Variants in LAMA2 observed in about 807,000 individuals in gnomAD.
The protein encoded by LAMA2 is laminin subunit alpha-2.
In LAMA2, 269 loss-of-function variants were observed where a neutral mutation model predicts 364.8. The observed-to-expected ratio is 0.74, with a 90% confidence interval of 0.67 to 0.82. The LOEUF is 0.82. Ranked by LOEUF, LAMA2 falls within the 40% of genes least tolerant of loss-of-function variation. The pLI is 0.00. For missense variants in LAMA2, 3,807 were observed against 3,873.2 expected (o/e 0.98, Z 0.45); for synonymous variants, 1,379 against 1,370.6 (o/e 1.01, Z -0.14).
intron 3 of LAMA2, among the ~76,000 whole-genome samples, chr6:129,085,630 G>A (rs7774997): frequency 0.95 from 144,534 of 152,270 alleles, 68,658 homozygotes; most frequent in East Asian, 0.97. Context: ...ACAGCAAAAC[G>A]TATTTTTCTG....
intron 9 of LAMA2, among the ~76,000 whole-genome samples, chr6:129,170,413 G>A (rs377062931): frequency 4.1e-4 from 57 of 137,504 alleles, no homozygotes; most frequent in Non-Finnish European, 6.3e-4. Flanking sequence ...CCTTCATTTC[G>A]TTATGTACCC....
intron 1 of LAMA2, among the ~76,000 whole-genome samples, chr6:128,909,732 C>T (rs1247853183): frequency 3.2e-4 from 49 of 151,712 alleles, no homozygotes; most frequent in Middle Eastern, 3.4e-3. Flanking sequence ...TTCCTAGTCT[C>T]GATGGTCTTT....
In LAMA2 at chr6:129,440,920, G is replaced by A. The variant is rs1159904031; in HGVS notation, c.6190G>A (p.Gly2064Ser). The A allele has an allele frequency of 1.9e-6, 3 of 1,613,808 alleles. No individual in the cohort carries two copies. Among genetic ancestry groups the A allele is most frequent in the Middle Eastern group, 1.6e-4 (1 of 6,080 alleles). ...QITELHQNLDGLKKNYNKLAD... is the reference protein window; with the variant it reads ...QITELHQNLDSLKKNYNKLAD... The stretch of plus-strand genomic sequence containing the variant: ...TACAGAGCTCCACCAGAACCTCGAT[G>A]GCCTGAAGAAGAATTACAATAAACT... The change falls in exon 43 of 65, where the codon GGC becomes AGC. Residue 2064 changes from glycine (G) to serine (S), a missense_variant. Around this residue, in one of 3 missense-constraint regions of LAMA2, gnomAD observed 3,333 missense variants for 3,345.7 expected, o/e 1.00. Transcript: ENST00000421865.
chr6:128,885,239 A>T (rs1776079538), intron 1 of LAMA2, among the ~76,000 whole-genome samples: 1 of 152,202 alleles, frequency 6.6e-6, no homozygotes, highest in South Asian at 2.1e-4. Flanking sequence ...TAAATGACTT[A>T]AACCTGTTAA....
chr6:129,171,335 G>T (rs1200817985), intron 9 of LAMA2, among the ~76,000 whole-genome samples: 1 of 152,108 alleles, frequency 6.6e-6, no homozygotes, highest in Non-Finnish European at 1.5e-5. Context: ...TCCATGTTTA[G>T]TGCTTCCTTC....
intron 1 of LAMA2, among the ~76,000 whole-genome samples, chr6:128,933,520 C>A (rs1779624530): frequency 1.3e-5 from 2 of 152,084 alleles, no homozygotes; most frequent in Admixed American, 1.3e-4. Flanking sequence ...AGTGGCTATG[C>A]CTATTTACAT....
chr6:129,229,006 G>A (rs1237131558), intron 12 of LAMA2, among the ~76,000 whole-genome samples: 3 of 152,184 alleles, frequency 2.0e-5, no homozygotes, highest in Admixed American at 6.5e-5. Context: ...AATATTCAAT[G>A]TATGTATTCA....
At chr6:129,163,173 C>T (rs988648738) in intron 8 of LAMA2, among the ~76,000 whole-genome samples, 1 of 151,792 alleles carries the variant, frequency 6.6e-6, no homozygotes, top group Non-Finnish European at 1.5e-5. Context: ...TTTTCCTTCT[C>T]TTTCTAGGAC....
In LAMA2 at chr6:129,454,163, T is replaced by C. The variant is rs906158803; in HGVS notation, c.6582T>C (p.Phe2194=). Residue 2194 remains phenylalanine (F), a synonymous_variant, in exon 47 of 65, where the codon TTT becomes TTC. Coordinates refer to ENST00000421865, the MANE Select transcript of LAMA2 (RefSeq NM_000426.4). ...FYLGSAKFID[F]LAIEMRKGKV... Reference sequence around the variant, plus strand: ...GTATTTCTCTGAACTAGATTGACTTTCTGGCTATAGAAATGCGTAAAGGCA... The same window carrying C: ...GTATTTCTCTGAACTAGATTGACTTCCTGGCTATAGAAATGCGTAAAGGCA... 1 of 1,612,648 alleles carries C rather than the reference T, an allele frequency of 6.2e-7. No individual in the cohort carries two copies. Among genetic ancestry groups the C allele is most frequent in the African/African-American group, 1.3e-5 (1 of 74,956 alleles).
intron 3 of LAMA2, among the ~76,000 whole-genome samples, chr6:129,066,049 T>C (rs1789299081): frequency 1.1e-5 from 1 of 91,884 alleles, no homozygotes; most frequent in Non-Finnish European, 2.3e-5. Context: ...TTTTTTTTTT[T>C]TTTTTTTTTT....
intron 53 of LAMA2, among the ~76,000 whole-genome samples, chr6:129,478,089 C>A (rs879479723): frequency 2.6e-5 from 4 of 152,278 alleles, no homozygotes; most frequent in Middle Eastern, 3.4e-3. Flanking sequence ...CCACTACACT[C>A]GGCCAGTAAA....
intron 52 of LAMA2, among the ~76,000 whole-genome samples, chr6:129,473,569 G>A (rs560026048): frequency 1.6e-4 from 25 of 152,118 alleles, no homozygotes; most frequent in African/African-American, 2.2e-4. Flanking sequence ...GATTGGAGTC[G>A]CTGTTTCCTT....
intron 9 of LAMA2, among the ~76,000 whole-genome samples, chr6:129,172,915 G>A (rs558401513): frequency 4.9e-4 from 74 of 152,326 alleles, no homozygotes; most frequent in African/African-American, 1.7e-3. Flanking sequence ...GCAGTATTCC[G>A]GTGGGAGTGA....
rs1554210052 is a variant in LAMA2, at chr6:129,066,042, T to TTTG, written c.396+6148_396+6149insGTT. On this transcript the variant is annotated intron_variant, in intron 3 of 64. Transcript: ENST00000421865. Reference sequence around the variant, plus strand: ...TTGTAAATTGCCCAGTCTCAGGTTTTTTTTTTTTTTTTTTTTTTTTTGAGA... The same window carrying TTTG: ...TTGTAAATTGCCCAGTCTCAGGTTTTTTGTTTTTTTTTTTTTTTTTTTTTGAGA... 2.9e-4 allele frequency among the ~76,000 whole-genome samples: 10 copies of TTTG among 34,112 alleles called. 1 individual carries two copies. Among genetic ancestry groups the TTTG allele is most frequent in the African/African-American group, 6.9e-4 (9 of 12,984 alleles). 22.4% of individuals were successfully genotyped at this position (34,112 alleles called of 152,430 possible).
intron 12 of LAMA2, among the ~76,000 whole-genome samples, chr6:129,227,439 GT>G (rs908327428): frequency 1.3e-5 from 2 of 152,162 alleles, no homozygotes; most frequent in African/African-American, 4.8e-5. Flanking sequence ...TCTCTGCTCT[GT>G]TTTTTCCCCA....
At chr6:129,045,665 C>G (rs1055582053) in intron 1 of LAMA2, among the ~76,000 whole-genome samples, 6 of 152,198 alleles carry the variant, frequency 3.9e-5, no homozygotes, top group Non-Finnish European at 8.8e-5. Context: ...TGCTTTTGCT[C>G]TCTTTATTTA....
chr6:128,965,049 G>T (rs947600185), intron 1 of LAMA2, among the ~76,000 whole-genome samples: 3 of 151,966 alleles, frequency 2.0e-5, no homozygotes, highest in Admixed American at 2.0e-4. Flanking sequence ...TATATGAGAG[G>T]ATTATAAAAT....
At chr6:129,151,777 G>T (rs1415377109) in intron 7 of LAMA2, among the ~76,000 whole-genome samples, 2 of 152,068 alleles carry the variant, frequency 1.3e-5, no homozygotes, top group African/African-American at 4.8e-5. Context: ...TGGGGGAGCT[G>T]CCCCCTTGAT....
intron 56 of LAMA2, among the ~76,000 whole-genome samples, chr6:129,489,128 T>C (rs908605217): frequency 2.6e-5 from 4 of 152,346 alleles, no homozygotes; most frequent in Middle Eastern, 3.4e-3. Context: ...GATTATGATG[T>C]ATGATTATTA....
Sources: allele counts gnomAD v4.1 joint callset (sites outside exome capture counted in the v4.1 genomes callset), GRCh38; gene constraint gnomAD v4.1.1; regional missense constraint gnomAD v4.1.1; transcripts MANE v1.5; gene names NCBI Gene and HGNC (gene_info 2026-07-23, HGNC 2026-07-21).